Variants in PCDHA4 observed in about 807,000 individuals in gnomAD.
The protein encoded by PCDHA4 is protocadherin alpha-4.
PCDHA4 carries 49 observed loss-of-function variants against 61.4 expected under a neutral mutation model. The observed-to-expected ratio is 0.80, with a 90% confidence interval of 0.63 to 1.01. PCDHA4 has a LOEUF of 1.01. Ranked by LOEUF, PCDHA4 falls within the 50% of genes least tolerant of loss-of-function variation. The pLI is 0.00. For synonymous variants in PCDHA4, 590 were observed against 550.3 expected, an observed-to-expected ratio of 1.07 and a Z score of -1.01; for missense variants, 1,254 against 1,235.8, an observed-to-expected ratio of 1.01 and a Z score of -0.22.
At chr5:140,821,757 T>C (rs1767048336) in intron 1 of PCDHA4, 1 of 1,585,704 alleles carries the variant, frequency 6.3e-7, no homozygotes, top group Non-Finnish European at 8.6e-7. Context: ...AGAAAGCTCA[T>C]AATTGGAACG....
At chr5:140,883,628 G>A (rs903824034) in intron 1 of PCDHA4, 1 of 1,613,884 alleles carries the variant, frequency 6.2e-7, no homozygotes, top group Admixed American at 1.7e-5. Context: ...CAACGCGCCG[G>A]CGTTCGCGCA....
At chr5:140,940,731 G>T (rs1195223562) in intron 1 of PCDHA4, among the ~76,000 whole-genome samples, 2 of 152,162 alleles carry the variant, frequency 1.3e-5, no homozygotes, top group Admixed American at 1.3e-4. Flanking sequence ...CAGCTGGACA[G>T]CTCCATATTT....
At chr5:140,893,416 G>A (rs1351047268) in intron 1 of PCDHA4, among the ~76,000 whole-genome samples, 1 of 152,136 alleles carries the variant, frequency 6.6e-6, no homozygotes, top group Non-Finnish European at 1.5e-5. Context: ...ACTTAGGGAG[G>A]CAGAGGCAGG....
At chr5:140,877,239 C>G (rs2056959197) in intron 1 of PCDHA4, 1 of 1,613,668 alleles carries the variant, frequency 6.2e-7, no homozygotes, top group Non-Finnish European at 8.5e-7. Context: ...GTGCGGGCCA[C>G]GTGGTGGCGA....
intron 1 of PCDHA4, chr5:140,855,890 A>C (rs1314408448): frequency 2.8e-5 from 28 of 999,762 alleles, no homozygotes; most frequent in African/African-American, 2.3e-4. Context: ...TTTAGAACAA[A>C]GGCATCAGCC....
chr5:140,870,405 G>A (rs1226660080), intron 1 of PCDHA4: 1 of 1,614,248 alleles, frequency 6.2e-7, no homozygotes, highest in Non-Finnish European at 8.5e-7. Flanking sequence ...CGCCTTCTCT[G>A]TGGGCCACGG....
At chr5:140,836,054 C>T in intron 1 of PCDHA4, 2 of 1,613,594 alleles carry the variant, frequency 1.2e-6, no homozygotes, top group Non-Finnish European at 1.7e-6. Flanking sequence ...TCGTGCTGGA[C>T]GAGAACGACA....
At chr5:140,832,454 T>G (rs193078566) in intron 1 of PCDHA4, among the ~76,000 whole-genome samples, 1 of 152,214 alleles carries the variant, frequency 6.6e-6, no homozygotes, top group African/African-American at 2.4e-5. Flanking sequence ...TAATTAATAT[T>G]GCACTAAAAT....
At chr5:140,841,702 T>C in intron 1 of PCDHA4, 2 of 1,613,896 alleles carry the variant, frequency 1.2e-6, no homozygotes, top group African/African-American at 1.3e-5. Context: ...AGGATGTTAA[T>C]GACAACCCGC....
At chr5:140,876,793 G>A (rs782321220) in intron 1 of PCDHA4, 2 of 1,614,240 alleles carry the variant, frequency 1.2e-6, no homozygotes, top group Non-Finnish European at 1.7e-6. Context: ...CACGGCTAGA[G>A]TGTCCGTGGA....
At chr5:140,841,286 A>G in intron 1 of PCDHA4, 2 of 1,545,812 alleles carry the variant, frequency 1.3e-6, no homozygotes, top group Non-Finnish European at 1.7e-6. Context: ...TCTTTATATT[A>G]AGATAATATT....
chr5:140,846,031 G>A lies in PCDHA4; in HGVS notation c.2385+36459G>A, dbSNP rs2150383784. On this transcript the variant is annotated intron_variant, in intron 1 of 3. Coordinates refer to ENST00000530339, the MANE Select transcript of PCDHA4 (RefSeq NM_018907.4). ...AATCTAAAAGTTATTACGAGTTTAG[G>A]AAAGTCAAGTTAACACCACCTATGT... 1.1e-4 allele frequency among the ~76,000 whole-genome samples: 16 copies of A among 149,690 alleles called. 2 individuals carry two copies. The highest frequency in any genetic ancestry group is 2.4e-4 in the Non-Finnish European group (16 of 66,844).
At position 140,856,186 on chromosome 5, in the gene PCDHA4, C is replaced by G. The variant is rs1451778566; in HGVS notation, c.2385+46614C>G. 97 of 1,598,138 alleles carry G rather than the reference C, an allele frequency of 6.1e-5. 9 individuals carry two copies. The highest frequency in any genetic ancestry group is 8.0e-5 in the Non-Finnish European group (94 of 1,167,930). Reference sequence around the variant, plus strand: ...CCAGACACGGCACCTTCGTGGGCCGCATCGCGCAGGACCTGGGGCTGGAGC... The same window carrying G: ...CCAGACACGGCACCTTCGTGGGCCGGATCGCGCAGGACCTGGGGCTGGAGC... On this transcript the variant is annotated intron_variant, in intron 1 of 3. Transcript: ENST00000530339.
rs2041387990 is a variant in PCDHA4, at chr5:140,850,164, G to T, written c.2385+40592G>T. On this transcript the variant is annotated intron_variant, in intron 1 of 3. Transcript: ENST00000530339. ...CGTGACGCTGCAGGTGTTCGTGCTGGACGAGAACGACAATGCGCCGGCGCT... is the reference window on the plus strand; with the variant it reads ...CGTGACGCTGCAGGTGTTCGTGCTGTACGAGAACGACAATGCGCCGGCGCT... 7 of 1,594,758 alleles carry T rather than the reference G, an allele frequency of 4.4e-6. 1 individual carries two copies. Among genetic ancestry groups the T allele is most frequent in the Non-Finnish European group, 6.0e-6 (7 of 1,167,800 alleles).
chr5:140,949,935 T>C (rs1554219235), intron 1 of PCDHA4, among the ~76,000 whole-genome samples: 1 of 151,898 alleles, frequency 6.6e-6, no homozygotes, highest in East Asian at 1.9e-4. Context: ...TTTTTTTTAA[T>C]TTGCATTTTT....
At chr5:140,901,311 C>T (rs1242541248) in intron 1 of PCDHA4, among the ~76,000 whole-genome samples, 3 of 152,052 alleles carry the variant, frequency 2.0e-5, no homozygotes, top group Non-Finnish European at 4.4e-5. Context: ...GGAGAGTTTC[C>T]CCAATGTTTT....
At chr5:140,862,566 T>C (rs1440139064) in intron 1 of PCDHA4, 1 of 478,068 alleles carries the variant, frequency 2.1e-6, no homozygotes, top group Non-Finnish European at 4.3e-6. Context: ...TGAACCACAA[T>C]GCCCTGGCGT....
chr5:140,961,805 G>A (rs1554225601), intron 1 of PCDHA4, among the ~76,000 whole-genome samples: 1 of 151,810 alleles, frequency 6.6e-6, no homozygotes, highest in African/African-American at 2.4e-5. Context: ...AGGAAATTGG[G>A]TTCTCTAGTC....
chr5:140,852,375 T>A lies in PCDHA4; in HGVS notation c.2385+42803T>A, dbSNP rs2042313801. ...TCACTGCAACGTCTGCCTCCTGGGTTCAAGCAATTCTCCTGCCTCAGCCTC... is the reference window on the plus strand; with the variant it reads ...TCACTGCAACGTCTGCCTCCTGGGTACAAGCAATTCTCCTGCCTCAGCCTC... On this transcript the variant is annotated intron_variant, in intron 1 of 3. Transcript: ENST00000530339. 1.0e-5 allele frequency: 2 copies of A among 192,516 alleles called. 1 individual carries two copies. The highest frequency in any genetic ancestry group is 1.3e-4 in the Admixed American group (2 of 14,898). The allele number at this position is 192,516 out of a possible 1,614,324, so 11.9% of individuals were successfully genotyped here. A position where few individuals can be genotyped will look rare whatever the true frequency, so the allele number is the denominator to read the frequency against.
Sources: gnomAD v4.1 joint callset for allele counts (sites outside exome capture counted in the v4.1 genomes callset) on GRCh38, gnomAD v4.1.1 for gene constraint, MANE v1.5 for transcripts, NCBI Gene and HGNC (gene_info 2026-07-23, HGNC 2026-07-21) for gene names.